TMTC1: variants seen among roughly 807,000 people sequenced by gnomAD.
TMTC1 encodes transmembrane O-mannosyltransferase targeting cadherins 1, also known as protein O-mannosyl-transferase TMTC1.
In TMTC1, 73 loss-of-function variants were observed where a neutral mutation model predicts 104.8. The observed-to-expected ratio is 0.70, with a 90% confidence interval of 0.58 to 0.85. The LOEUF is 0.85. Among genes scored for constraint, TMTC1 ranks in the 40% least tolerant of loss-of-function variants. The pLI, the probability that TMTC1 is intolerant of heterozygous loss-of-function variation, is 0.00. For missense variants in TMTC1, 1,035 were observed against 1,096.1 expected (o/e 0.94, Z 0.79); for synonymous variants, 434 against 428.7 (o/e 1.01, Z -0.15).
At chr12:29,605,504 A>T (rs1289874438) in intron 6 of TMTC1, among the ~76,000 whole-genome samples, 1 of 151,296 alleles carries the variant, frequency 6.6e-6, no homozygotes, top group African/African-American at 2.4e-5. Context: ...CAGAATTTAA[A>T]GGAAGAAAAA....
At chr12:29,700,556 C>G (rs1437721217) in intron 5 of TMTC1, among the ~76,000 whole-genome samples, 3 of 152,062 alleles carry the variant, frequency 2.0e-5, no homozygotes, top group Non-Finnish European at 4.4e-5. Flanking sequence ...CACCTCTAGT[C>G]AAATAACAAA....
In TMTC1 at chr12:29,633,294, A is replaced by G; in HGVS notation, c.981T>C (p.Leu327=). Reference sequence around the variant, plus strand: ...AGCACAGGGTCACGGGTGCAAGCAGAAGCCACACATTGAAGGCCAAGAGGT... The same window carrying G: ...AGCACAGGGTCACGGGTGCAAGCAGGAGCCACACATTGAAGGCCAAGAGGT... ...YSYLLAFNVW[L]LLAPVTLCYD... The change falls in exon 6 of 18, where the codon CTT becomes CTC. Residue 327 remains leucine, a synonymous_variant. Coordinates refer to ENST00000539277, the MANE Select transcript of TMTC1 (RefSeq NM_001193451.2). The G allele has an allele frequency of 1.9e-6, 3 of 1,613,804 alleles. No homozygotes were observed. Among genetic ancestry groups the G allele is most frequent in the Non-Finnish European group, 1.7e-6 (2 of 1,179,840 alleles).
intron 5 of TMTC1, among the ~76,000 whole-genome samples, chr12:29,705,446 A>G (rs1235829391): frequency 6.6e-6 from 1 of 152,178 alleles, no homozygotes; most frequent in Non-Finnish European, 1.5e-5. Flanking sequence ...GGAACTCTCC[A>G]TTTGTAAGTG....
At chr12:29,569,599 CA>C (rs1272078539) in intron 9 of TMTC1, among the ~76,000 whole-genome samples, 15 of 152,122 alleles carry the variant, frequency 9.9e-5, no homozygotes, top group Non-Finnish European at 1.9e-4. Context: ...TTCCAGTTAC[CA>C]AGGATAAATA....
At chr12:29,673,639 C>G (rs1382777971) in intron 5 of TMTC1, among the ~76,000 whole-genome samples, 1 of 149,638 alleles carries the variant, frequency 6.7e-6, no homozygotes, top group South Asian at 2.1e-4. Context: ...TTATATTTTA[C>G]TTATCGTTTC....
At chr12:29,559,973 G>A (rs1296366541) in intron 9 of TMTC1, among the ~76,000 whole-genome samples, 2 of 152,166 alleles carry the variant, frequency 1.3e-5, no homozygotes, top group Admixed American at 1.3e-4. Flanking sequence ...ACACTGTACA[G>A]CAGACCTGTG....
chr12:29,699,424 C>T (rs974124832), intron 5 of TMTC1, among the ~76,000 whole-genome samples: 10 of 151,994 alleles, frequency 6.6e-5, no homozygotes, highest in South Asian at 4.1e-4. Flanking sequence ...AAAATTACAA[C>T]GTTATATGAC....
At chr12:29,582,511 C>T (rs576228494) in intron 8 of TMTC1, among the ~76,000 whole-genome samples, 7 of 152,262 alleles carry the variant, frequency 4.6e-5, no homozygotes, top group Non-Finnish European at 1.0e-4. Flanking sequence ...CATCCAAAAA[C>T]CTGGTGTTAA....
chr12:29,599,092 T>C (rs150257875), intron 7 of TMTC1, among the ~76,000 whole-genome samples: 58 of 152,346 alleles, frequency 3.8e-4, no homozygotes, highest in African/African-American at 1.3e-3. Context: ...TGTGAATGAA[T>C]ATTCAGTCAC....
intron 5 of TMTC1, among the ~76,000 whole-genome samples, chr12:29,740,814 A>AT (rs891053264): frequency 1.1e-4 from 16 of 152,026 alleles, no homozygotes; most frequent in Admixed American, 6.6e-5. Flanking sequence ...AACAATATTA[A>AT]TTTTTTTAAA....
At chr12:29,733,604 T>C (rs1293142635) in intron 5 of TMTC1, among the ~76,000 whole-genome samples, 2 of 152,158 alleles carry the variant, frequency 1.3e-5, no homozygotes, top group African/African-American at 4.8e-5. Flanking sequence ...CAATATTCCT[T>C]CTAGAATTAA....
chr12:29,582,907 C>A (rs1451830655), intron 8 of TMTC1, among the ~76,000 whole-genome samples: 1 of 151,980 alleles, frequency 6.6e-6, no homozygotes, highest in African/African-American at 2.4e-5. Flanking sequence ...TTTAGTGAGG[C>A]TGACTAAGCC....
chr12:29,736,862 C>T (rs1041231286), intron 5 of TMTC1, among the ~76,000 whole-genome samples: 4 of 152,212 alleles, frequency 2.6e-5, no homozygotes, highest in African/African-American at 4.8e-5. Flanking sequence ...CAAAGTGATA[C>T]TTAACCAGAT....
chr12:29,523,711 GTTA>G (rs1458369259), intron 11 of TMTC1, among the ~76,000 whole-genome samples: 2 of 152,086 alleles, frequency 1.3e-5, no homozygotes, highest in African/African-American at 2.4e-5. Flanking sequence ...GTTTTTTTAG[GTTA>G]TTTTTTTGAA....
At chr12:29,528,552 CT>C (rs1265961508) in intron 11 of TMTC1, among the ~76,000 whole-genome samples, 1 of 152,156 alleles carries the variant, frequency 6.6e-6, no homozygotes, top group Non-Finnish European at 1.5e-5. Context: ...ATATAGCACA[CT>C]TTTTACCTCA....
At chr12:29,647,386 A>T in intron 5 of TMTC1, among the ~76,000 whole-genome samples, 1 of 152,198 alleles carries the variant, frequency 6.6e-6, no homozygotes, top group South Asian at 2.1e-4. Flanking sequence ...CTCAGTCAAG[A>T]ACAGAGCAGT....
intron 6 of TMTC1, among the ~76,000 whole-genome samples, chr12:29,605,865 C>T (rs1016595280): frequency 6.6e-6 from 1 of 152,098 alleles, no homozygotes; most frequent in African/African-American, 2.4e-5. Context: ...CTCCCTTTCC[C>T]CTCCCTCCTT....
intron 2 of TMTC1, among the ~76,000 whole-genome samples, chr12:29,761,303 G>C (rs1351839465): frequency 6.6e-6 from 1 of 151,598 alleles, no homozygotes; most frequent in African/African-American, 2.4e-5. Flanking sequence ...GTATAAAGGA[G>C]TATGAATTGT....
At chr12:29,589,360 T>C (rs1305354526) in intron 7 of TMTC1, among the ~76,000 whole-genome samples, 2 of 152,324 alleles carry the variant, frequency 1.3e-5, no homozygotes, top group East Asian at 1.9e-4. Context: ...CTAAACTGAT[T>C]CAGACATGGC....
Sources: gnomAD v4.1 joint callset for allele counts (sites outside exome capture counted in the v4.1 genomes callset) on GRCh38, gnomAD v4.1.1 for gene constraint, MANE v1.5 for transcripts, NCBI Gene and HGNC (gene_info 2026-07-23, HGNC 2026-07-21) for gene names.